The following LRFN5 variants were observed in gnomAD, a reference collection of about 807,000 sequenced individuals.
The protein encoded by LRFN5 is leucine-rich repeat and fibronectin type-III domain-containing protein 5.
LRFN5 carries 24 observed loss-of-function variants against 45.6 expected under a neutral mutation model. That is an observed-to-expected ratio of 0.53 (90% CI 0.38 to 0.74). LRFN5 has a LOEUF of 0.74. Among genes scored for constraint, LRFN5 ranks in the 30% least tolerant of loss-of-function variants. LRFN5 has a pLI of 0.00. For missense variants in LRFN5, 776 were observed against 861.5 expected (o/e 0.90, Z 1.24); for synonymous variants, 340 against 313.8 (o/e 1.08, Z -0.88).
chr14:41,770,389 A>G (rs899779724), intron 2 of LRFN5, among the ~76,000 whole-genome samples: 1 of 152,206 alleles, frequency 6.6e-6, no homozygotes, highest in African/African-American at 2.4e-5. Context: ...CATTAAGTCT[A>G]AAGTCCTGTC....
intron 2 of LRFN5, among the ~76,000 whole-genome samples, chr14:41,846,164 A>G (rs1446375523): frequency 6.6e-6 from 1 of 151,984 alleles, no homozygotes; most frequent in East Asian, 1.9e-4. Flanking sequence ...GTACAACAGT[A>G]TTGGAGAACT....
At chr14:41,640,500 A>T (rs1336161175) in intron 1 of LRFN5, among the ~76,000 whole-genome samples, 6 of 152,050 alleles carry the variant, frequency 3.9e-5, no homozygotes, top group African/African-American at 7.2e-5. Context: ...TTTATATCAG[A>T]TTGTACTTGT....
intron 2 of LRFN5, among the ~76,000 whole-genome samples, chr14:41,824,398 G>A (rs1225583066): frequency 6.6e-6 from 1 of 152,126 alleles, no homozygotes; most frequent in Non-Finnish European, 1.5e-5. Context: ...GTGCTTTCAG[G>A]GTGCTGAGGC....
chr14:41,757,144 G>T (rs1355906379), intron 1 of LRFN5, among the ~76,000 whole-genome samples: 1 of 152,186 alleles, frequency 6.6e-6, no homozygotes, highest in Non-Finnish European at 1.5e-5. Flanking sequence ...GTACCCGGCC[G>T]TGTGAGGTGT....
intron 5 of LRFN5, among the ~76,000 whole-genome samples, chr14:41,899,857 T>C (rs1277074599): frequency 1.3e-5 from 2 of 152,280 alleles, no homozygotes; most frequent in African/African-American, 2.4e-5. Context: ...CCCATTCTTA[T>C]GTTGCAAAAA....
rs548929817 is a variant in LRFN5 at position 41,642,765 on chromosome 14, TTTTC to T, written c.-197+34215_-197+34218del. ...TTTGCTACTTCACACTGTATTTTCC[TTTTC>T]TTTCTTTCTTTTTTTCTTAACATAT... On this transcript the variant is annotated intron_variant, in intron 1 of 5. Transcript: ENST00000298119. 2.5e-3 allele frequency among the ~76,000 whole-genome samples: 385 copies of T among 152,270 alleles called. 1 individual carries two copies. The highest frequency in any genetic ancestry group is 8.8e-3 in the African/African-American group (365 of 41,544).
intron 2 of LRFN5, among the ~76,000 whole-genome samples, chr14:41,882,558 T>G (rs1347316246): frequency 6.6e-6 from 1 of 152,128 alleles, no homozygotes; most frequent in Admixed American, 6.6e-5. Context: ...GAAAATAAGG[T>G]GTATCTGAGA....
Position 41,688,711 on chromosome 14 carries a change from C to T in LRFN5, c.-196-78143C>T, listed in dbSNP as rs530762887. 3.3e-5 allele frequency among the ~76,000 whole-genome samples: 5 copies of T among 150,994 alleles called. No individual in the cohort carries two copies. The South Asian group carries it at 1.0e-3, about 32-fold the overall frequency. ...CAAAACAAAAAAAACCATGAGATAC[C>T]AAAATTTATGAGATGCAGCTAAAGC... is the stretch of plus-strand genomic sequence containing the variant. On this transcript the variant is annotated intron_variant, in intron 1 of 5. Coordinates refer to ENST00000298119, the MANE Select transcript of LRFN5 (RefSeq NM_152447.5).
At chr14:41,653,353 A>G (rs761083755) in intron 1 of LRFN5, among the ~76,000 whole-genome samples, 1 of 152,146 alleles carries the variant, frequency 6.6e-6, no homozygotes, top group African/African-American at 2.4e-5. Flanking sequence ...GGTGTAAGGT[A>G]GGGTTCAGTT....
intron 2 of LRFN5, among the ~76,000 whole-genome samples, chr14:41,850,584 T>C (rs1194781133): frequency 1.3e-5 from 2 of 151,864 alleles, no homozygotes; most frequent in African/African-American, 2.4e-5. Flanking sequence ...CAAAAAGAGA[T>C]AAAAAGGTAA....
At chr14:41,822,848 G>A (rs954194443) in intron 2 of LRFN5, among the ~76,000 whole-genome samples, 2 of 91,740 alleles carry the variant, frequency 2.2e-5, no homozygotes, top group Non-Finnish European at 4.2e-5. Context: ...TATATATTTA[G>A]GGTTGTTTTT....
chr14:41,822,850 G>GTTT (rs1296770505), intron 2 of LRFN5, among the ~76,000 whole-genome samples: 150 of 70,396 alleles, frequency 2.1e-3, no homozygotes, highest in East Asian at 6.9e-3. Context: ...TATATTTAGG[G>GTTT]TTGTTTTTTT....
chr14:41,860,446 A>C (rs1008104562), intron 2 of LRFN5, among the ~76,000 whole-genome samples: 5 of 152,160 alleles, frequency 3.3e-5, no homozygotes, highest in Non-Finnish European at 7.3e-5. Flanking sequence ...CAAATATACA[A>C]TATTTTAATA....
intron 1 of LRFN5, among the ~76,000 whole-genome samples, chr14:41,761,184 A>G (rs892104205): frequency 1.3e-5 from 2 of 152,018 alleles, no homozygotes; most frequent in Non-Finnish European, 2.9e-5. Context: ...TGATGTAGGT[A>G]TTATAACCAT....
chr14:41,651,323 G>T (rs1880115072), intron 1 of LRFN5, among the ~76,000 whole-genome samples: 1 of 152,082 alleles, frequency 6.6e-6, no homozygotes, highest in Non-Finnish European at 1.5e-5. Context: ...TAACTCTGGA[G>T]TTTTCTGTTA....
chr14:41,805,923 G>A (rs188876743), intron 2 of LRFN5, among the ~76,000 whole-genome samples: 82 of 152,104 alleles, frequency 5.4e-4, no homozygotes, highest in African/African-American at 1.8e-3. Context: ...TTGGTCACAC[G>A]ACTGAGGCAT....
intron 1 of LRFN5, among the ~76,000 whole-genome samples, chr14:41,752,908 T>G (rs375368817): frequency 6.6e-6 from 1 of 152,218 alleles, no homozygotes; most frequent in Admixed American, 6.5e-5. Flanking sequence ...GGTTTAACAT[T>G]TAAGTCTTTA....
intron 2 of LRFN5, among the ~76,000 whole-genome samples, chr14:41,824,496 AGACT>A (rs1450844473): frequency 2.6e-5 from 4 of 152,200 alleles, no homozygotes; most frequent in Admixed American, 2.6e-4. Context: ...TTGTATGAGC[AGACT>A]GACTACCTTC....
rs1393778553 is a variant in LRFN5 at position 41,886,618 on chromosome 14, G to C, written c.-8G>C. 3 of 1,563,876 alleles carry C rather than the reference G, an allele frequency of 1.9e-6. No homozygotes were observed. Among genetic ancestry groups the C allele is most frequent in the Non-Finnish European group, 2.6e-6 (3 of 1,160,366 alleles). ...TCTTCCGTTACAGGCTCTTAAACCT[G>C]ATCTACAATGGAAAAAATTCTTTTT... On this transcript the variant is annotated 5_prime_UTR_variant, in exon 3 of 6. Coordinates refer to ENST00000298119, the MANE Select transcript of LRFN5 (RefSeq NM_152447.5).
Sources: gnomAD v4.1 joint callset for allele counts (sites outside exome capture counted in the v4.1 genomes callset) on GRCh38, gnomAD v4.1.1 for gene constraint, MANE v1.5 for transcripts, NCBI Gene and HGNC (gene_info 2026-07-23, HGNC 2026-07-21) for gene names.